GPRC6A: variants seen among roughly 807,000 people sequenced by gnomAD.
GPRC6A encodes G protein-coupled receptor class C group 6 member A, also known as G protein-coupled receptor family C group 6 member A.
Under a neutral mutation model 47.0 loss-of-function variants are expected in GPRC6A, and 54 were observed. That is an observed-to-expected ratio of 1.15 (90% confidence interval 0.92 to 1.44). GPRC6A has a LOEUF of 1.44. GPRC6A is among the 40% of genes most tolerant of loss of function. The probability of loss-of-function intolerance (pLI) is 0.00; values close to 1 mark genes in which losing one functional copy is unlikely to be tolerated. For synonymous variants in GPRC6A, 347 were observed against 377.1 expected (o/e 0.92, Z 0.93); for missense variants, 1,112 against 1,105.5 (o/e 1.01, Z -0.08).
intron 1 of GPRC6A, among the ~76,000 whole-genome samples, chr6:116,814,443 G>A (rs1374162649): frequency 1.3e-5 from 2 of 152,158 alleles, no homozygotes; most frequent in East Asian, 1.9e-4. Flanking sequence ...ATGAGTTCAT[G>A]TCCTTTGTAG....
At chr6:116,811,372 T>C (rs1773019165) in intron 1 of GPRC6A, among the ~76,000 whole-genome samples, 1 of 151,660 alleles carries the variant, frequency 6.6e-6, no homozygotes, top group African/African-American at 2.4e-5. Context: ...TATATTAACA[T>C]AAGAACACAG....
intron 3 of GPRC6A, among the ~76,000 whole-genome samples, chr6:116,801,420 G>A (rs894068441): frequency 6.6e-6 from 1 of 152,106 alleles, no homozygotes; most frequent in Non-Finnish European, 1.5e-5. Context: ...AAGAACAATA[G>A]GCTGGAATGT....
chr6:116,792,197 T>C lies in GPRC6A; in HGVS notation c.2726A>G (p.Glu909Gly). The C allele has an allele frequency of 6.2e-7, 1 of 1,613,970 alleles. No homozygotes were observed. Among genetic ancestry groups the C allele is most frequent in the East Asian group, 2.2e-5 (1 of 44,886 alleles). The change falls in exon 6 of 6, where the codon GAA becomes GGA. Residue 909 changes from glutamate to glycine, a missense_variant. Transcript: ENST00000310357. ...AGTTTTAGATACACTTGTGGCATTTTCCCTGCATATGTGTGCAAATGCTTG... is the reference window on the plus strand; with the variant it reads ...AGTTTTAGATACACTTGTGGCATTTCCCCTGCATATGTGTGCAAATGCTTG... ...QAQAFAHICR[E>G]NATSVSKTLP...
chr6:116,801,333 C>T (rs1344330884), intron 3 of GPRC6A, among the ~76,000 whole-genome samples: 2 of 152,096 alleles, frequency 1.3e-5, no homozygotes, highest in Non-Finnish European at 2.9e-5. Flanking sequence ...ACAGTGAGAG[C>T]TTGTATACTA....
rs1453219972 is a variant in GPRC6A at position 116,807,197 on chromosome 6, C to T, written c.508G>A (p.Glu170Lys). The part of the protein sequence containing the change: ...NLQLMPQVGY[E>K]STAEILSDKI... ...TCACTCAGGATTTCTGCAGTTGATTCATAACCCACCTGGAAATAGACAGAA... is the reference window on the plus strand; with the variant it reads ...TCACTCAGGATTTCTGCAGTTGATTTATAACCCACCTGGAAATAGACAGAA... Residue 170 changes from glutamate to lysine, a missense_variant, in exon 3 of 6, where the codon GAA becomes AAA. By Grantham distance (56) the Glu-to-Lys change is moderately conservative (BLOSUM62 1). Coordinates refer to ENST00000310357, the MANE Select transcript of GPRC6A (RefSeq NM_148963.4). 1.9e-6 allele frequency: 3 copies of T among 1,602,696 alleles called. No homozygotes were observed.
intron 4 of GPRC6A, among the ~76,000 whole-genome samples, chr6:116,799,485 A>G (rs966891744): frequency 1.3e-5 from 2 of 152,194 alleles, no homozygotes; most frequent in South Asian, 4.1e-4. Context: ...CAAATAAAAT[A>G]TTTCATTGAG....
intron 1 of GPRC6A, among the ~76,000 whole-genome samples, chr6:116,818,692 G>C (rs1043965481): frequency 6.7e-6 from 1 of 148,652 alleles, no homozygotes; most frequent in Non-Finnish European, 1.5e-5. Context: ...TGCCCTAAAA[G>C]AGCTCCTGAA....
chr6:116,824,143 A>G (rs1582482366), intron 1 of GPRC6A, among the ~76,000 whole-genome samples: 1 of 152,136 alleles, frequency 6.6e-6, no homozygotes, highest in East Asian at 1.9e-4. Flanking sequence ...ATCTACAACG[A>G]AAAAGAAGAA....
At chr6:116,793,277 AT>A in intron 5 of GPRC6A, 27 bp from the exon 6 acceptor site, 1 of 1,505,478 alleles carries the variant, frequency 6.6e-7, no homozygotes, top group Non-Finnish European at 8.9e-7. Flanking sequence ...ACGCAGTTAC[AT>A]TGTCAACATT....
chr6:116,797,569 C>T (rs1389909152), intron 4 of GPRC6A, among the ~76,000 whole-genome samples: 1 of 152,138 alleles, frequency 6.6e-6, no homozygotes, highest in African/African-American at 2.4e-5. Flanking sequence ...GAAAGGAAGA[C>T]TTGTCTCTCT....
intron 5 of GPRC6A, among the ~76,000 whole-genome samples, chr6:116,793,489 T>G (rs918205456): frequency 1.3e-5 from 2 of 152,152 alleles, no homozygotes; most frequent in Admixed American, 6.6e-5. Flanking sequence ...AAAAGCCAGC[T>G]GGATTGTGAA....
Position 116,795,841 on chromosome 6 carries a change from T to G in GPRC6A, c.1549-6A>C. 4.5e-6 allele frequency: 7 copies of G among 1,569,694 alleles called. No individual in the cohort carries two copies. The highest frequency in any genetic ancestry group is 4.3e-6 in the Non-Finnish European group (5 of 1,157,058). On this transcript the variant is annotated splice_polypyrimidine_tract_variant and splice_region_variant and intron_variant, in intron 4 of 5. Coordinates refer to ENST00000310357, the MANE Select transcript of GPRC6A (RefSeq NM_148963.4). ...GAGCATTTAGATTGAATTTGCTATA[T>G]TAAAAGTGAAAAAAAAAATCACAAG... is the stretch of plus-strand genomic sequence containing the variant.
chr6:116,821,676 G>A lies in GPRC6A; in HGVS notation c.194+7144C>T, dbSNP rs865975222. Among the ~76,000 whole-genome samples, 158 of 152,116 alleles carry A rather than the reference G, an allele frequency of 1.0e-3. 1 individual carries two copies. The highest frequency in any genetic ancestry group is 2.9e-3 in the South Asian group (14 of 4,824). On this transcript the variant is annotated intron_variant, in intron 1 of 5. Transcript: ENST00000310357. ...AGCCATATGTAGAAAGCTGAAACTG[G>A]ATCCCTTCCTTACACCTTAGACAAA...
chr6:116,820,164 G>C (rs1773410456), intron 1 of GPRC6A, among the ~76,000 whole-genome samples: 1 of 151,274 alleles, frequency 6.6e-6, no homozygotes, highest in Non-Finnish European at 1.5e-5. Context: ...CCAGGAAGAA[G>C]TTGAATCTCT....
intron 1 of GPRC6A, among the ~76,000 whole-genome samples, chr6:116,811,050 T>C (rs1050433200): frequency 6.6e-6 from 1 of 152,158 alleles, no homozygotes; most frequent in African/African-American, 2.4e-5. Context: ...TGGGACACAA[T>C]GATGGGCATA....
At chr6:116,821,198 G>T (rs1437943171) in intron 1 of GPRC6A, among the ~76,000 whole-genome samples, 32 of 151,860 alleles carry the variant, frequency 2.1e-4, no homozygotes, top group African/African-American at 4.8e-4. Context: ...CACTGCTCAA[G>T]GAAATAAAAG....
intron 3 of GPRC6A, among the ~76,000 whole-genome samples, chr6:116,801,736 T>G (rs1217078371): frequency 6.6e-6 from 1 of 152,172 alleles, no homozygotes; most frequent in Non-Finnish European, 1.5e-5. Context: ...CAATGAGAAA[T>G]GTTACTTTAG....
chr6:116,828,641 A>T lies in GPRC6A; in HGVS notation c.194+179T>A, dbSNP rs368082405. 2.0e-4 allele frequency among the ~76,000 whole-genome samples: 31 copies of T among 152,246 alleles called. No individual in the cohort carries two copies. In the South Asian group the frequency reaches 5.2e-3, roughly 25 times the overall value. On this transcript the variant is annotated intron_variant, in intron 1 of 5. Transcript: ENST00000310357. ...GCACTTGGAGGTTGTTTCATTATACATAGAGGGCTGTTATAGCTCTCTTTT... is the reference window on the plus strand; with the variant it reads ...GCACTTGGAGGTTGTTTCATTATACTTAGAGGGCTGTTATAGCTCTCTTTT...
chr6:116,798,840 G>A (rs1197095942), intron 4 of GPRC6A, among the ~76,000 whole-genome samples: 9 of 149,550 alleles, frequency 6.0e-5, no homozygotes, highest in African/African-American at 7.4e-5. Context: ...CCGAGATCAC[G>A]CCACTGCATA....
Sources: allele counts gnomAD v4.1 joint callset (sites outside exome capture counted in the v4.1 genomes callset), GRCh38; gene constraint gnomAD v4.1.1; transcripts MANE v1.5; gene names NCBI Gene and HGNC (gene_info 2026-07-23, HGNC 2026-07-21).